The following STYK1 variants were observed in gnomAD, a reference collection of about 807,000 sequenced individuals.
STYK1 encodes the protein tyrosine-protein kinase STYK1.
Under a neutral mutation model 48.1 loss-of-function variants are expected in STYK1, and 46 were observed. The observed-to-expected ratio is 0.96, with a 90% CI of 0.75 to 1.22. STYK1 has a LOEUF of 1.22. Among genes scored for constraint, STYK1 ranks in the 50% most tolerant of loss-of-function variants. The pLI is 0.00. For synonymous variants in STYK1, 188 were observed against 189.0 expected, an observed-to-expected ratio of 0.99 and a Z score of 0.04; for missense variants, 527 against 521.1, an observed-to-expected ratio of 1.01 and a Z score of -0.11.
At chr12:10,633,151 T>G (rs931881746) in intron 4 of STYK1, among the ~76,000 whole-genome samples, 2 of 152,230 alleles carry the variant, frequency 1.3e-5, no homozygotes, top group African/African-American at 4.8e-5. Flanking sequence ...TTTAAAATTG[T>G]TTCAAATGCT....
chr12:10,634,128 G>T lies in STYK1; in HGVS notation c.53-4C>A, dbSNP rs773448342. On this transcript the variant is annotated splice_region_variant and splice_polypyrimidine_tract_variant and intron_variant, in intron 3 of 10. Coordinates refer to ENST00000075503, the MANE Select transcript of STYK1 (RefSeq NM_018423.3). ...TCATACTGCTTCTCCTGGATGACTGGGTAGGCGATCACACAGGAAGAGAAG... is the reference window on the plus strand; with the variant it reads ...TCATACTGCTTCTCCTGGATGACTGTGTAGGCGATCACACAGGAAGAGAAG... 1.9e-6 allele frequency: 3 copies of T among 1,599,768 alleles called. No individual in the cohort carries two copies. In the Admixed American group the frequency reaches 5.2e-5, roughly 28 times the overall value.
intron 8 of STYK1, among the ~76,000 whole-genome samples, chr12:10,623,481 C>T (rs1477197323): frequency 6.6e-6 from 1 of 152,072 alleles, no homozygotes; most frequent in African/African-American, 2.4e-5. Context: ...CTTTATGATC[C>T]TGTTAATGCC....
At chr12:10,666,578 TC>T (rs1420709900) in intron 1 of STYK1, among the ~76,000 whole-genome samples, 1 of 152,172 alleles carries the variant, frequency 6.6e-6, no homozygotes, top group Non-Finnish European at 1.5e-5. Context: ...GGCTCTGTGT[TC>T]CCACCCAGAT....
Position 10,647,112 on chromosome 12 carries a change from A to T in STYK1, c.-194-9916T>A, listed in dbSNP as rs148642325. 9.2e-5 allele frequency among the ~76,000 whole-genome samples: 14 copies of T among 152,328 alleles called. 1 individual carries two copies. The East Asian group carries it at 2.5e-3, about 27-fold the overall frequency. On this transcript the variant is annotated intron_variant, in intron 1 of 10. Transcript: ENST00000075503. The stretch of plus-strand genomic sequence containing the variant: ...CACACAATGTCCCTATTGGGGCACC[A>T]CCTAGTGGAGCTACGAGAAGAGGGT...
intron 1 of STYK1, among the ~76,000 whole-genome samples, chr12:10,638,310 T>C (rs935573053): frequency 6.6e-6 from 1 of 152,340 alleles, no homozygotes. Context: ...TTAATTTCTC[T>C]TATCAGTTGC....
intron 1 of STYK1, among the ~76,000 whole-genome samples, chr12:10,644,088 A>G (rs1947574463): frequency 6.6e-6 from 1 of 152,250 alleles, no homozygotes; most frequent in Admixed American, 6.5e-5. Flanking sequence ...CAGTCTCAAA[A>G]GGTTACATGC....
chr12:10,634,507 A>C, intron 3 of STYK1, 60 bp downstream of exon 3: 3 of 1,540,984 alleles, frequency 1.9e-6, no homozygotes, highest in Non-Finnish European at 2.7e-6. Context: ...GAATCTACCG[A>C]GACCTTAGCC....
chr12:10,671,196 T>G (rs1041542307), intron 1 of STYK1, among the ~76,000 whole-genome samples: 1 of 151,640 alleles, frequency 6.6e-6, no homozygotes, highest in Non-Finnish European at 1.5e-5. Context: ...GGGTTTCACT[T>G]TGTTAGCCAG....
chr12:10,656,381 C>G (rs1341525805), intron 1 of STYK1, among the ~76,000 whole-genome samples: 1 of 152,120 alleles, frequency 6.6e-6, no homozygotes, highest in African/African-American at 2.4e-5. Flanking sequence ...AATCCCAGCA[C>G]TTTGGGAGGC....
chr12:10,640,503 T>C (rs961846703), intron 1 of STYK1, among the ~76,000 whole-genome samples: 1 of 152,188 alleles, frequency 6.6e-6, no homozygotes, highest in African/African-American at 2.4e-5. Flanking sequence ...TGAGAAATTG[T>C]GCTTATTTCT....
intron 5 of STYK1, among the ~76,000 whole-genome samples, chr12:10,630,138 C>T (rs1350594452): frequency 6.6e-6 from 1 of 151,416 alleles, no homozygotes; most frequent in African/African-American, 2.4e-5. Flanking sequence ...GTAATCCCAG[C>T]ACTTTGGGAG....
chr12:10,626,664 G>T (rs1368652324), intron 7 of STYK1, among the ~76,000 whole-genome samples: 1 of 152,090 alleles, frequency 6.6e-6, no homozygotes, highest in African/African-American at 2.4e-5. Context: ...TTCTGGTAAA[G>T]GTAAATTTTT....
At chr12:10,652,610 T>C (rs1947673953) in intron 1 of STYK1, among the ~76,000 whole-genome samples, 1 of 152,238 alleles carries the variant, frequency 6.6e-6, no homozygotes, top group Non-Finnish European at 1.5e-5. Context: ...TGAGGATCTG[T>C]TAAATCCTTC....
chr12:10,622,120 C>A, intron 9 of STYK1, 148 bp from the exon 10 acceptor site: 4 of 631,780 alleles, frequency 6.3e-6, no homozygotes, highest in Admixed American at 3.0e-5. Context: ...CCCTGGTGAT[C>A]AAATATGGAT....
intron 1 of STYK1, among the ~76,000 whole-genome samples, chr12:10,663,704 C>A (rs137877177): frequency 0.013 from 1,807 of 142,982 alleles, 34 homozygotes; most frequent in African/African-American, 0.044. Context: ...GACTCCCTTG[C>A]GTTCTCATAA....
chr12:10,625,614 C>T lies in STYK1; in HGVS notation c.718-755G>A, dbSNP rs372335204. ...TGTATATACATATCTCACTTTTTCCCCTAAAATAACTGCATGGGTTGAATT... is the reference window on the plus strand; with the variant it reads ...TGTATATACATATCTCACTTTTTCCTCTAAAATAACTGCATGGGTTGAATT... On this transcript the variant is annotated intron_variant, in intron 7 of 10. Transcript: ENST00000075503. Among the ~76,000 whole-genome samples the T allele has an allele frequency of 1.2e-4, 19 of 152,048 alleles. No individual in the cohort carries two copies. The East Asian group carries it at 3.7e-3, about 29-fold the overall frequency.
At chr12:10,642,836 T>C (rs1274903826) in intron 1 of STYK1, among the ~76,000 whole-genome samples, 1 of 152,138 alleles carries the variant, frequency 6.6e-6, no homozygotes, top group Non-Finnish European at 1.5e-5. Flanking sequence ...TAAAGTAAGG[T>C]ACAGAAATGG....
intron 1 of STYK1, among the ~76,000 whole-genome samples, chr12:10,639,428 T>C (rs1947520220): frequency 6.6e-6 from 1 of 152,108 alleles, no homozygotes; most frequent in Admixed American, 6.5e-5. Context: ...TTTTTTTTTT[T>C]TTCTGATGGA....
intron 1 of STYK1, among the ~76,000 whole-genome samples, chr12:10,657,859 C>G (rs1330824319): frequency 1.3e-5 from 2 of 152,178 alleles, no homozygotes; most frequent in Non-Finnish European, 2.9e-5. Flanking sequence ...ATTGAGACTA[C>G]TGGAAAAACA....
Sources: allele counts gnomAD v4.1 joint callset (sites outside exome capture counted in the v4.1 genomes callset), GRCh38; gene constraint gnomAD v4.1.1; transcripts MANE v1.5; gene names NCBI Gene and HGNC (gene_info 2026-07-23, HGNC 2026-07-21).